Variants in SLC35B4 observed in about 807,000 individuals in gnomAD.
The protein encoded by SLC35B4 is nucleotide sugar transporter SLC35B4.
Under a neutral mutation model 39.5 loss-of-function variants are expected in SLC35B4, and 28 were observed. The observed-to-expected ratio is 0.71, with a 90% CI of 0.53 to 0.97. The LOEUF (loss-of-function observed/expected upper bound fraction) is 0.97, where lower values mean the gene tolerates loss of function less well. Ranked by LOEUF, SLC35B4 falls within the 50% of genes least tolerant of loss-of-function variation. SLC35B4 has a pLI of 0.00. For synonymous variants in SLC35B4, 145 were observed against 150.4 expected (o/e 0.96, Z 0.26); for missense variants, 334 against 414.3 (o/e 0.81, Z 1.68).
Position 134,294,859 on chromosome 7 carries a change from G to C in SLC35B4, c.970C>G (p.Pro324Ala). The change falls in exon 10 of 10, where the codon CCT becomes GCT. Residue 324 changes from proline to alanine, a missense_variant. Coordinates refer to ENST00000378509, the MANE Select transcript of SLC35B4 (RefSeq NM_032826.5). ...WNNLGTTKSE[P>A]QKDSKKN ...CAGTTCTTCTTGCTGTCCTTCTGAG[G>C]CTCACTTTTTGTGGTCCCTAGGTTG... The C allele has an allele frequency of 2.5e-6, 4 of 1,614,090 alleles. No homozygotes were observed. Among genetic ancestry groups the C allele is most frequent in the East Asian group, 2.2e-5 (1 of 44,878 alleles).
chr7:134,305,279 C>A (rs566455158), intron 3 of SLC35B4, among the ~76,000 whole-genome samples: 4 of 151,882 alleles, frequency 2.6e-5, no homozygotes, highest in African/African-American at 9.7e-5. Context: ...GCCAAGATCG[C>A]GCCATTGCAC....
At position 134,316,560 on chromosome 7, in the gene SLC35B4, G is replaced by A. The variant is rs1009220682; in HGVS notation, c.77+115C>T. On this transcript the variant is annotated intron_variant, in intron 1 of 9. Coordinates refer to ENST00000378509, the MANE Select transcript of SLC35B4 (RefSeq NM_032826.5). ...GGGGGGCTCAGGCCGTCCTGCCCCG[G>A]GCTCCGTGGGCGGCGGGGTGGGGAC... The A allele has an allele frequency of 2.7e-5, 30 of 1,101,258 alleles. No homozygotes were observed. The African/African-American group carries it at 4.5e-4, about 17-fold the overall frequency. 68.2% of individuals were successfully genotyped at this position (1,101,258 alleles called of 1,614,324 possible).
At chr7:134,311,374 C>T (rs745480278) in intron 1 of SLC35B4, among the ~76,000 whole-genome samples, 1 of 152,054 alleles carries the variant, frequency 6.6e-6, no homozygotes, top group Non-Finnish European at 1.5e-5. Context: ...CCCAAATGGT[C>T]GGCACGGTGG....
intron 8 of SLC35B4, among the ~76,000 whole-genome samples, chr7:134,297,519 G>A (rs376933841): frequency 1.3e-5 from 2 of 152,016 alleles, no homozygotes; most frequent in East Asian, 3.9e-4. Flanking sequence ...TTCATTAGAG[G>A]AGGCATTGTA....
At chr7:134,315,025 C>T (rs1337090985) in intron 1 of SLC35B4, among the ~76,000 whole-genome samples, 1 of 152,094 alleles carries the variant, frequency 6.6e-6, no homozygotes, top group Admixed American at 6.5e-5. Flanking sequence ...AACTTAACCC[C>T]ACACAGAGTT....
At chr7:134,302,189 T>C in intron 4 of SLC35B4, 79 bp from the exon 5 acceptor site, 11 of 1,225,612 alleles carry the variant, frequency 9.0e-6, no homozygotes, top group Non-Finnish European at 1.3e-5. Flanking sequence ...TACAGTCAGA[T>C]GGTGCATGAA....
intron 1 of SLC35B4, among the ~76,000 whole-genome samples, chr7:134,312,382 G>A (rs1803865271): frequency 7.0e-6 from 1 of 142,456 alleles, no homozygotes; most frequent in Non-Finnish European, 1.6e-5. Context: ...TATGTGTAGA[G>A]TTAGGTGGCT....
Position 134,316,678 on chromosome 7 carries a change from G to C in SLC35B4, c.74C>G (p.Ala25Gly). The stretch of plus-strand genomic sequence containing the variant: ...GCGGCCCGAGCGGGTCACTCACCGG[G>C]CCAGGAGCTCTAGGAAGATCACGTT... ...CSNVIFLELL[A>G]RKHPGCGNIV... The change falls in exon 1 of 10, where the codon GCC becomes GGC. Residue 25 changes from alanine (A) to glycine (G), a missense_variant. By Grantham distance (60) the Ala-to-Gly change is moderately conservative (BLOSUM62 0). Transcript: ENST00000378509. The C allele has an allele frequency of 6.5e-7, 1 of 1,550,276 alleles. No homozygotes were observed. Among genetic ancestry groups the C allele is most frequent in the Non-Finnish European group, 8.7e-7 (1 of 1,146,694 alleles).
At chr7:134,302,806 T>G (rs1803614835) in intron 4 of SLC35B4, among the ~76,000 whole-genome samples, 1 of 151,972 alleles carries the variant, frequency 6.6e-6, no homozygotes, top group African/African-American at 2.4e-5. Context: ...CCATCCCAGG[T>G]TTTCTACTCA....
chr7:134,299,370 G>A, intron 8 of SLC35B4, 153 bp downstream of exon 8: 4 of 498,970 alleles, frequency 8.0e-6, no homozygotes, highest in Non-Finnish European at 1.4e-5. Flanking sequence ...AGCTTTTGCT[G>A]CTGCAATGAC....
rs984016567 is a variant in SLC35B4 at position 134,292,126 on chromosome 7, C to T, written c.*2707G>A. ...TCTTGACCCAGAGAAAGAGGAGAGACATTTAATAGACATTTCTCTTCCAGT... is the reference window on the plus strand; with the variant it reads ...TCTTGACCCAGAGAAAGAGGAGAGATATTTAATAGACATTTCTCTTCCAGT... On this transcript the variant is annotated 3_prime_UTR_variant, in exon 10 of 10. Transcript: ENST00000378509. 8 of 154,772 alleles carry T rather than the reference C, an allele frequency of 5.2e-5. No homozygotes were observed. Among genetic ancestry groups the T allele is most frequent in the South Asian group, 2.0e-4 (1 of 4,922 alleles). 9.6% of individuals were successfully genotyped at this position (154,772 alleles called of 1,614,324 possible). A position where few individuals can be genotyped will look rare whatever the true frequency, so the allele number is the denominator to read the frequency against.
chr7:134,296,485 G>A lies in SLC35B4; in HGVS notation c.674-19C>T. On this transcript the variant is annotated intron_variant, in intron 8 of 9. Coordinates refer to ENST00000378509, the MANE Select transcript of SLC35B4 (RefSeq NM_032826.5). ...TATAACTCTGTAGAGGTTACAAGAG[G>A]ATATAGCCATATTGCTTTTTCACAG... 1 of 1,593,992 alleles carries A rather than the reference G, an allele frequency of 6.3e-7. No homozygotes were observed. Among genetic ancestry groups the A allele is most frequent in the South Asian group, 1.1e-5 (1 of 89,842 alleles).
At chr7:134,312,723 T>C (rs140262455) in intron 1 of SLC35B4, among the ~76,000 whole-genome samples, 236 of 152,348 alleles carry the variant, frequency 1.5e-3, no homozygotes, top group African/African-American at 5.5e-3. Context: ...TTTTATTTTA[T>C]GGAGGTGGGT....
At chr7:134,314,684 C>T (rs1178734999) in intron 1 of SLC35B4, among the ~76,000 whole-genome samples, 2 of 151,988 alleles carry the variant, frequency 1.3e-5, no homozygotes, top group Admixed American at 1.3e-4. Context: ...TACAGGTGTC[C>T]ACCACCAGGC....
chr7:134,296,518 T>A (rs1319710764), intron 8 of SLC35B4, 52 bp from the exon 9 acceptor site: 3 of 1,399,446 alleles, frequency 2.1e-6, no homozygotes, highest in African/African-American at 2.8e-5. Context: ...CAGCTGAATT[T>A]TTCATCTTTT....
Position 134,290,715 on chromosome 7 carries a change from A to G in SLC35B4, c.*4118T>C, listed in dbSNP as rs1402611263. 2 of 152,198 alleles carry G rather than the reference A, an allele frequency of 1.3e-5. No homozygotes were observed. The highest frequency in any genetic ancestry group is 2.9e-5 in the Non-Finnish European group (2 of 68,032). The allele number at this position is 152,198 out of a possible 1,614,324, so 9.4% of individuals were successfully genotyped here. ...AGGAATGGATTTTATCTATATTGAC[A>G]GTTCTTTCAACCTTAAGAGTGAACT... On this transcript the variant is annotated 3_prime_UTR_variant, in exon 10 of 10. Transcript: ENST00000378509.
At chr7:134,313,200 T>A (rs1281895856) in intron 1 of SLC35B4, among the ~76,000 whole-genome samples, 7 of 152,252 alleles carry the variant, frequency 4.6e-5, no homozygotes, top group Non-Finnish European at 2.9e-5. Context: ...TCTTGTTTTC[T>A]TGAGCTCTCT....
Position 134,294,686 on chromosome 7 carries a change from C to T in SLC35B4, c.*147G>A, listed in dbSNP as rs548846900. 4.0e-4 allele frequency: 379 copies of T among 955,866 alleles called. No homozygotes were observed. The highest frequency in any genetic ancestry group is 9.4e-4 in the Admixed American group (34 of 36,100). The allele number at this position is 955,866 out of a possible 1,614,324, so 59.2% of individuals were successfully genotyped here. A position where few individuals can be genotyped will look rare whatever the true frequency, so the allele number is the denominator to read the frequency against. On this transcript the variant is annotated 3_prime_UTR_variant, in exon 10 of 10. Transcript: ENST00000378509. ...AGTCTACATGTGTCAGTCTGAGCAA[C>T]GTGAGAAGTCCCCTCCTGAAGATTT... is the stretch of plus-strand genomic sequence containing the variant.
intron 8 of SLC35B4, 85 bp downstream of exon 8, chr7:134,299,438 A>G (rs1563215042): frequency 5.5e-6 from 6 of 1,096,330 alleles, no homozygotes; most frequent in East Asian, 2.4e-5. Context: ...AGGATTATGA[A>G]AAAGGCCGAG....
Sources: allele counts gnomAD v4.1 joint callset (sites outside exome capture counted in the v4.1 genomes callset), GRCh38; gene constraint gnomAD v4.1.1; transcripts MANE v1.5; gene names NCBI Gene and HGNC (gene_info 2026-07-23, HGNC 2026-07-21).